Variants in CACNB2 observed in about 807,000 individuals in gnomAD.
CACNB2 encodes voltage-dependent L-type calcium channel subunit beta-2.
CACNB2 carries 42 observed loss-of-function variants against 73.3 expected under a neutral mutation model. That is an observed-to-expected ratio of 0.57 (90% CI 0.45 to 0.74). The LOEUF (loss-of-function observed/expected upper bound fraction) is 0.74. Among genes scored for constraint, CACNB2 ranks in the 30% least tolerant of loss-of-function variants. The probability of loss-of-function intolerance (pLI) is 0.00; values close to 1 mark genes in which losing one functional copy is unlikely to be tolerated. For missense variants in CACNB2, 940 were observed against 853.0 expected (o/e 1.10, Z -1.27); for synonymous variants, 348 against 310.3 (o/e 1.12, Z -1.28).
At chr10:18,493,242 C>T (rs1219279164) in intron 3 of CACNB2, among the ~76,000 whole-genome samples, 1 of 152,188 alleles carries the variant, frequency 6.6e-6, no homozygotes, top group African/African-American at 2.4e-5. Flanking sequence ...AATCTCGGGT[C>T]ACTGCAGCCT....
chr10:18,289,380 C>T (rs1004625537), intron 2 of CACNB2, among the ~76,000 whole-genome samples: 12 of 147,680 alleles, frequency 8.1e-5, no homozygotes, highest in South Asian at 4.3e-4. Flanking sequence ...CTGCAAGCTC[C>T]GCCTCCCGGG....
chr10:18,351,898 C>T (rs1420290726), intron 2 of CACNB2, among the ~76,000 whole-genome samples: 1 of 152,040 alleles, frequency 6.6e-6, no homozygotes, highest in African/African-American at 2.4e-5. Flanking sequence ...TTTTGCAAAC[C>T]AAAGGAAGAG....
At chr10:18,296,756 T>C (rs950274543) in intron 2 of CACNB2, among the ~76,000 whole-genome samples, 1 of 152,236 alleles carries the variant, frequency 6.6e-6, no homozygotes, top group Non-Finnish European at 1.5e-5. Context: ...CCTTCTTTCC[T>C]CTTTCTCATT....
chr10:18,330,303 A>G (rs532225047), intron 2 of CACNB2, among the ~76,000 whole-genome samples: 1 of 152,348 alleles, frequency 6.6e-6, no homozygotes, highest in Non-Finnish European at 1.5e-5. Context: ...TGTGAATACA[A>G]TTATCGGGTC....
intron 3 of CACNB2, among the ~76,000 whole-genome samples, chr10:18,413,568 A>G (rs1475967680): frequency 6.6e-6 from 1 of 152,048 alleles, no homozygotes; most frequent in Non-Finnish European, 1.5e-5. Flanking sequence ...CATTACCTCC[A>G]TCCTTCCAAA....
intron 2 of CACNB2, among the ~76,000 whole-genome samples, chr10:18,193,048 A>G (rs2034473567): frequency 6.6e-6 from 1 of 152,156 alleles, no homozygotes; most frequent in African/African-American, 2.4e-5. Flanking sequence ...CTTTATTTAC[A>G]ATTCATATAT....
intron 2 of CACNB2, among the ~76,000 whole-genome samples, chr10:18,314,629 T>A (rs926383999): frequency 6.6e-6 from 1 of 151,838 alleles, no homozygotes; most frequent in Non-Finnish European, 1.5e-5. Context: ...GCTAAATCAG[T>A]CTATTACTGT....
intron 1 of CACNB2, among the ~76,000 whole-genome samples, chr10:18,143,785 T>C (rs966584530): frequency 6.6e-6 from 1 of 152,178 alleles, no homozygotes; most frequent in African/African-American, 2.4e-5. Context: ...CTCAGAATTA[T>C]TGGGCAGTTC....
At chr10:18,322,689 T>G (rs997701882) in intron 2 of CACNB2, among the ~76,000 whole-genome samples, 1 of 152,128 alleles carries the variant, frequency 6.6e-6, no homozygotes, top group East Asian at 1.9e-4. Flanking sequence ...GAAACTAAGG[T>G]AGATGATTGT....
chr10:18,408,696 T>C (rs1251628588), intron 3 of CACNB2, among the ~76,000 whole-genome samples: 1 of 152,206 alleles, frequency 6.6e-6, no homozygotes, highest in Non-Finnish European at 1.5e-5. Context: ...AGTTTCATGA[T>C]GTTTGAAAAC....
rs528983160 is a variant in CACNB2, at chr10:18,170,770, G to A, written c.213+19795G>A. 9.2e-5 allele frequency among the ~76,000 whole-genome samples: 14 copies of A among 152,316 alleles called. No individual in the cohort carries two copies. In the South Asian group the frequency reaches 1.7e-3, roughly 18 times the overall value. On this transcript the variant is annotated intron_variant, in intron 2 of 13. Transcript: ENST00000324631. ...TTATGTTGGTTTTAGAAACCAATACGTTGTATTCTTGACAATGCTCTTTTA... is the reference window on the plus strand; with the variant it reads ...TTATGTTGGTTTTAGAAACCAATACATTGTATTCTTGACAATGCTCTTTTA...
chr10:18,400,730 G>T, intron 2 of CACNB2: 1 of 1,237,380 alleles, frequency 8.1e-7, no homozygotes. Context: ...GTTATGAGAT[G>T]CATTAAGTTT....
chr10:18,183,212 G>A (rs1371675537), intron 2 of CACNB2, among the ~76,000 whole-genome samples: 1 of 152,096 alleles, frequency 6.6e-6, no homozygotes, highest in Non-Finnish European at 1.5e-5. Flanking sequence ...GAAGTGCTTA[G>A]GACCATGTCT....
intron 2 of CACNB2, among the ~76,000 whole-genome samples, chr10:18,319,916 A>C (rs932196052): frequency 1.3e-5 from 2 of 152,132 alleles, no homozygotes; most frequent in Non-Finnish European, 2.9e-5. Context: ...AAGAACAGAG[A>C]GGCCAGGGCA....
At chr10:18,249,368 C>A (rs1588842190) in intron 2 of CACNB2, among the ~76,000 whole-genome samples, 1 of 151,876 alleles carries the variant, frequency 6.6e-6, no homozygotes, top group Non-Finnish European at 1.5e-5. Flanking sequence ...TCCTTTCTTA[C>A]CTGTAATACC....
intron 3 of CACNB2, among the ~76,000 whole-genome samples, chr10:18,463,941 C>T (rs1288086460): frequency 6.6e-6 from 1 of 152,102 alleles, no homozygotes; most frequent in African/African-American, 2.4e-5. Flanking sequence ...CTTCTCCCTT[C>T]CTCTCCTCTT....
intron 2 of CACNB2, among the ~76,000 whole-genome samples, chr10:18,301,089 A>G (rs1191412098): frequency 2.0e-5 from 3 of 152,206 alleles, no homozygotes; most frequent in Admixed American, 2.0e-4. Context: ...CTCCTTTTCA[A>G]AAAGGGGACT....
At chr10:18,319,754 G>A (rs1018479272) in intron 2 of CACNB2, among the ~76,000 whole-genome samples, 1 of 152,168 alleles carries the variant, frequency 6.6e-6, no homozygotes, top group Non-Finnish European at 1.5e-5. Context: ...AAGTGTGAGC[G>A]TTTTGCAGTA....
At chr10:18,524,862 T>TAAA (rs752541857) in intron 9 of CACNB2, among the ~76,000 whole-genome samples, 15 of 117,410 alleles carry the variant, frequency 1.3e-4, no homozygotes, top group Non-Finnish European at 2.7e-4. Flanking sequence ...CTGTTTCTAC[T>TAAA]AAAAAAAAAA....
Sources: gnomAD v4.1 joint callset for allele counts (sites outside exome capture counted in the v4.1 genomes callset) on GRCh38, gnomAD v4.1.1 for gene constraint, MANE v1.5 for transcripts, NCBI Gene and HGNC (gene_info 2026-07-23, HGNC 2026-07-21) for gene names.